CDKAL1: variants seen among roughly 807,000 people sequenced by gnomAD.
The protein encoded by CDKAL1 is threonylcarbamoyladenosine tRNA methylthiotransferase.
In CDKAL1, 32 loss-of-function variants were observed where a neutral mutation model predicts 68.2. The ratio of observed to expected loss-of-function variants is 0.47; its 90% CI spans 0.35 to 0.63. The LOEUF is 0.63. Ranked by LOEUF, CDKAL1 falls within the 30% of genes least tolerant of loss-of-function variation. The probability of loss-of-function intolerance (pLI) is 0.00; values close to 1 mark genes in which losing one functional copy is unlikely to be tolerated. For missense variants in CDKAL1, 606 were observed against 696.7 expected, an observed-to-expected ratio of 0.87 and a Z score of 1.47; for synonymous variants, 234 against 244.3, an observed-to-expected ratio of 0.96 and a Z score of 0.39.
chr6:20,953,311 C>G (rs1764626841), intron 9 of CDKAL1, among the ~76,000 whole-genome samples: 1 of 152,090 alleles, frequency 6.6e-6, no homozygotes, highest in South Asian at 2.1e-4. Context: ...GCGATTTTTC[C>G]CCTTCTATAT....
At chr6:21,170,382 T>A (rs9460604) in intron 13 of CDKAL1, among the ~76,000 whole-genome samples, 5 of 152,074 alleles carry the variant, frequency 3.3e-5, no homozygotes, top group African/African-American at 9.6e-5. Context: ...TCACACAGGC[T>A]GGAGTGCAGT....
chr6:21,222,576 G>T (rs1163570583), intron 15 of CDKAL1, among the ~76,000 whole-genome samples: 1 of 152,182 alleles, frequency 6.6e-6, no homozygotes, highest in African/African-American at 2.4e-5. Flanking sequence ...ATTGGGTACA[G>T]CTACTTATAT....
Position 21,200,953 on chromosome 6 carries a change from G to A in CDKAL1, c.1384-157G>A, listed in dbSNP as rs78038966. 6.2e-3 allele frequency: 3,440 copies of A among 550,790 alleles called. 88 individuals are homozygous for A. The highest frequency in any genetic ancestry group is 0.056 in the African/African-American group (2,968 of 53,264). 34.1% of individuals were successfully genotyped at this position (550,790 alleles called of 1,614,324 possible). ...TGGGTTCATTAATTGTGGCAAAAGT[G>A]CTATACTAATGTAAGACGGTAAATA... is the stretch of plus-strand genomic sequence containing the variant. On this transcript the variant is annotated intron_variant, in intron 14 of 15. Transcript: ENST00000274695.
chr6:21,088,134 T>C (rs1772802821), intron 12 of CDKAL1, among the ~76,000 whole-genome samples: 1 of 152,226 alleles, frequency 6.6e-6, no homozygotes, highest in Non-Finnish European at 1.5e-5. Context: ...CTCTGTCCCT[T>C]GTCCCTATCA....
intron 4 of CDKAL1, among the ~76,000 whole-genome samples, chr6:20,607,723 C>G: frequency 6.6e-6 from 1 of 150,608 alleles, no homozygotes; most frequent in South Asian, 2.1e-4. Context: ...TTGAACAAGT[C>G]TCACTCTTTT....
intron 13 of CDKAL1, among the ~76,000 whole-genome samples, chr6:21,174,039 A>T (rs2151078472): frequency 6.6e-6 from 1 of 152,272 alleles, no homozygotes; most frequent in South Asian, 2.1e-4. Flanking sequence ...ACACCTCTGC[A>T]CCCCAGTGTG....
At chr6:20,847,322 A>G (rs1406215361) in intron 9 of CDKAL1, among the ~76,000 whole-genome samples, 2 of 152,208 alleles carry the variant, frequency 1.3e-5, no homozygotes, top group Admixed American at 1.3e-4. Context: ...CTACAGCATA[A>G]CCAATACTTC....
In CDKAL1 at chr6:20,949,530, T is replaced by C. The variant is rs187011727; in HGVS notation, c.743-5889T>C. ...AATATACTTAATCTGTGCATCTCTT[T>C]TTTTTACTGAAAGCGATCCCATCAA... On this transcript the variant is annotated intron_variant, in intron 9 of 15. Transcript: ENST00000274695. Among the ~76,000 whole-genome samples, 384 of 152,324 alleles carry C rather than the reference T, an allele frequency of 2.5e-3. 1 individual carries two copies. Among genetic ancestry groups the C allele is most frequent in the African/African-American group, 8.9e-3 (370 of 41,574 alleles).
rs1779984685 is a variant in CDKAL1 at position 21,231,729 on chromosome 6, T to G, written c.*690T>G. ...CAGGCGTGAGCCACTGCGCCCGGCC[T>G]CTTTAATAAATATTTTTAAGTGCAT... On this transcript the variant is annotated 3_prime_UTR_variant, in exon 16 of 16. Coordinates refer to ENST00000274695, the MANE Select transcript of CDKAL1 (RefSeq NM_017774.3). 1 of 151,988 alleles carries G rather than the reference T, an allele frequency of 6.6e-6. No homozygotes were observed. Among genetic ancestry groups the G allele is most frequent in the Non-Finnish European group, 1.5e-5 (1 of 67,998 alleles). 9.4% of individuals were successfully genotyped at this position (151,988 alleles called of 1,614,324 possible). A position where few individuals can be genotyped will look rare whatever the true frequency, so the allele number is the denominator to read the frequency against.
At position 20,837,744 on chromosome 6, in the gene CDKAL1, T is replaced by TATAATAATAATAATAATA. The variant is rs56163103; in HGVS notation, c.639-8327_639-8310dup. On this transcript the variant is annotated intron_variant, in intron 8 of 15. Transcript: ENST00000274695. Reference sequence around the variant, plus strand: ...GCATAAATTTGGCTTCACTTCAGCATATAATAATAATAATAATAATACTTT... The same window carrying TATAATAATAATAATAATA: ...GCATAAATTTGGCTTCACTTCAGCATATAATAATAATAATAATAATAATAATAATAATAATAATACTTT... Among the ~76,000 whole-genome samples, 104 of 148,052 alleles carry TATAATAATAATAATAATA rather than the reference T, an allele frequency of 7.0e-4. 1 individual carries two copies. Among genetic ancestry groups the TATAATAATAATAATAATA allele is most frequent in the Admixed American group, 2.0e-3 (30 of 14,770 alleles).
intron 11 of CDKAL1, among the ~76,000 whole-genome samples, chr6:21,020,681 G>A (rs1270857242): frequency 6.6e-6 from 1 of 151,732 alleles, no homozygotes; most frequent in African/African-American, 2.4e-5. Flanking sequence ...TGGTCAGGCT[G>A]GTCTCAGACT....
chr6:20,676,698 T>TA (rs372576234), intron 5 of CDKAL1, among the ~76,000 whole-genome samples: 116 of 80,754 alleles, frequency 1.4e-3, no homozygotes, highest in Admixed American at 2.4e-3. Context: ...AATAAATAAA[T>TA]AAATAAAATA....
chr6:21,092,320 C>T lies in CDKAL1; in HGVS notation c.1237-16081C>T, dbSNP rs189364183. On this transcript the variant is annotated intron_variant, in intron 12 of 15. Transcript: ENST00000274695. ...CGTGCAGGTTTGTTACATAGGTATA[C>T]ATGTGCCATGGTGGTTTGCTGCACC... Among the ~76,000 whole-genome samples, 484 of 148,482 alleles carry T rather than the reference C, an allele frequency of 3.3e-3. 2 individuals carry two copies. Among genetic ancestry groups the T allele is most frequent in the African/African-American group, 0.011 (441 of 40,202 alleles).
At chr6:20,990,762 GT>G (rs1766748159) in intron 10 of CDKAL1, among the ~76,000 whole-genome samples, 1 of 152,224 alleles carries the variant, frequency 6.6e-6, no homozygotes, top group African/African-American at 2.4e-5. Flanking sequence ...GATGAAATAT[GT>G]TTCTGGTCTT....
Position 20,846,177 on chromosome 6 carries a change from A to C in CDKAL1, c.741A>C (p.Gln247His). Residue 247 changes from glutamine (Q) to histidine (H), a missense_variant and splice_region_variant, in exon 9 of 16, where the codon CAA becomes CAC. By Grantham distance (24) the Gln-to-His change is conservative (BLOSUM62 0). Transcript: ENST00000274695. ...ELVDRAKQSF[Q>H]EGVCEIWLTS... ...TAGATAGAGCCAAACAATCTTTTCA[A>C]GGTAAGAGTTTCTAGAATTATATGT... 1 of 1,568,172 alleles carries C rather than the reference A, an allele frequency of 6.4e-7. No individual in the cohort carries two copies. The highest frequency in any genetic ancestry group is 1.1e-5 in the South Asian group (1 of 88,482).
At chr6:20,744,604 G>A (rs1409766435) in intron 6 of CDKAL1, among the ~76,000 whole-genome samples, 1 of 152,112 alleles carries the variant, frequency 6.6e-6, no homozygotes, top group Admixed American at 6.6e-5. Context: ...AATTAGTTGG[G>A]AATTTCTCTT....
At chr6:21,100,620 G>A (rs1231057173) in intron 12 of CDKAL1, among the ~76,000 whole-genome samples, 1 of 152,136 alleles carries the variant, frequency 6.6e-6, no homozygotes, top group African/African-American at 2.4e-5. Context: ...AAAGAATAAG[G>A]AAGTATTATA....
intron 5 of CDKAL1, among the ~76,000 whole-genome samples, chr6:20,739,222 C>T (rs1294210401): frequency 6.6e-6 from 1 of 152,020 alleles, no homozygotes; most frequent in Admixed American, 6.6e-5. Context: ...ATGCAGTTTT[C>T]AAGAATGATT....
chr6:21,114,966 AAT>A (rs555404374), intron 13 of CDKAL1, among the ~76,000 whole-genome samples: 93 of 152,266 alleles, frequency 6.1e-4, no homozygotes, highest in African/African-American at 2.0e-3. Flanking sequence ...TGTACAGTAA[AAT>A]ATTATATAAT....
Sources: gnomAD v4.1 joint callset for allele counts (sites outside exome capture counted in the v4.1 genomes callset) on GRCh38, gnomAD v4.1.1 for gene constraint, MANE v1.5 for transcripts, NCBI Gene and HGNC (gene_info 2026-07-23, HGNC 2026-07-21) for gene names.